The following PLXNA2 variants were observed in gnomAD, a reference collection of about 807,000 sequenced individuals.
The protein encoded by PLXNA2 is plexin A2.
Under a neutral mutation model 193.5 loss-of-function variants are expected in PLXNA2, and 91 were observed. The observed-to-expected ratio is 0.47, with a 90% CI of 0.40 to 0.56. The LOEUF (loss-of-function observed/expected upper bound fraction) is 0.56. Among genes scored for constraint, PLXNA2 ranks in the 20% least tolerant of loss-of-function variants. The pLI is 0.00. For synonymous variants in PLXNA2, 997 were observed against 1,027.3 expected (o/e 0.97, Z 0.56); for missense variants, 1,995 against 2,503.2 (o/e 0.80, Z 4.33).
chr1:208,229,989 T>A (rs1671636739), intron 1 of PLXNA2, among the ~76,000 whole-genome samples: 1 of 152,180 alleles, frequency 6.6e-6, no homozygotes, highest in Admixed American at 6.5e-5. Context: ...TCTGGTGACC[T>A]TGAACATGTT....
intron 12 of PLXNA2, among the ~76,000 whole-genome samples, chr1:208,072,114 T>C (rs925901840): frequency 3.3e-5 from 5 of 152,212 alleles, no homozygotes; most frequent in African/African-American, 1.2e-4. Flanking sequence ...TGGAGGCCAG[T>C]GTACATGGTT....
intron 3 of PLXNA2, among the ~76,000 whole-genome samples, chr1:208,190,722 C>T (rs549789605): frequency 3.9e-5 from 6 of 152,332 alleles, no homozygotes; most frequent in Non-Finnish European, 7.4e-5. Flanking sequence ...AAAATCACCT[C>T]CAGTTGGAAA....
Position 208,193,292 on chromosome 1 carries a change from C to T in PLXNA2, c.1371+16988G>A, listed in dbSNP as rs1670246327. Among the ~76,000 whole-genome samples, 6 of 152,218 alleles carry T rather than the reference C, an allele frequency of 3.9e-5. No homozygotes were observed. The South Asian group carries it at 1.2e-3, about 32-fold the overall frequency. ...AGGGCATTGGTGTTAACATTACTCC[C>T]TCATAGCCCTAGGGCCCCTTGGTGC... is the stretch of plus-strand genomic sequence containing the variant. On this transcript the variant is annotated intron_variant, in intron 3 of 31. Transcript: ENST00000367033.
intron 3 of PLXNA2, among the ~76,000 whole-genome samples, chr1:208,189,793 C>T (rs1670120320): frequency 6.6e-6 from 1 of 152,194 alleles, no homozygotes; most frequent in South Asian, 2.1e-4. Flanking sequence ...TCCCACTACA[C>T]ACACAGCTCC....
rs1476671594 is a variant in PLXNA2, at chr1:208,217,755, G to A, written c.168C>T (p.His56=). The change falls in exon 2 of 32, where the codon CAC becomes CAT. Residue 56 remains histidine, a synonymous_variant. Coordinates refer to ENST00000367033, the MANE Select transcript of PLXNA2 (RefSeq NM_025179.4). This position sits in a 1 kb window ranked among gnomAD's most constrained non-coding sequence, Gnocchi z 4.7. ...RDWTFNHLTV[H]QGTGAVYVGA... ...CCACATAGACGGCCCCCGTCCCTTG[G>A]TGGACGGTCAAGTGGTTGAAGGTCC... 1 of 1,614,214 alleles carries A rather than the reference G, an allele frequency of 6.2e-7. No homozygotes were observed. Among genetic ancestry groups the A allele is most frequent in the East Asian group, 2.2e-5 (1 of 44,882 alleles).
chr1:208,096,389 G>A (rs1666888172), intron 7 of PLXNA2, among the ~76,000 whole-genome samples: 1 of 152,136 alleles, frequency 6.6e-6, no homozygotes, highest in African/African-American at 2.4e-5. Flanking sequence ...TGTCAGTCAT[G>A]TTCCATTACT....
intron 4 of PLXNA2, among the ~76,000 whole-genome samples, chr1:208,124,033 C>T (rs1414658827): frequency 6.6e-6 from 1 of 152,126 alleles, no homozygotes; most frequent in Non-Finnish European, 1.5e-5. Context: ...CAACATTGCC[C>T]CGTGGCCACT....
intron 3 of PLXNA2, among the ~76,000 whole-genome samples, chr1:208,180,837 G>C (rs1319016070): frequency 1.3e-5 from 2 of 152,194 alleles, no homozygotes; most frequent in Non-Finnish European, 2.9e-5. Context: ...TCCCAGGAGG[G>C]GTAAAAAGGA....
At chr1:208,219,574 C>A (rs1671255401) in intron 1 of PLXNA2, among the ~76,000 whole-genome samples, 1 of 152,214 alleles carries the variant, frequency 6.6e-6, no homozygotes, top group African/African-American at 2.4e-5. Flanking sequence ...GGCCTTTCTC[C>A]CTCAACTCCC....
chr1:208,081,045 G>C (rs1312345686), intron 11 of PLXNA2, among the ~76,000 whole-genome samples: 1 of 152,202 alleles, frequency 6.6e-6, no homozygotes, highest in Non-Finnish European at 1.5e-5. Context: ...TGCACTCTCA[G>C]AGCTTCTTCA....
At chr1:208,168,671 G>A (rs1253093137) in intron 3 of PLXNA2, among the ~76,000 whole-genome samples, 1 of 145,114 alleles carries the variant, frequency 6.9e-6, no homozygotes, top group Non-Finnish European at 1.5e-5. Context: ...TCAGAGACTA[G>A]GGAGTCTCTA....
chr1:208,218,000 A>G lies in PLXNA2; in HGVS notation c.-78T>C. 1 of 1,560,452 alleles carries G rather than the reference A, an allele frequency of 6.4e-7. No individual in the cohort carries two copies. Among genetic ancestry groups the G allele is most frequent in the Non-Finnish European group, 8.6e-7 (1 of 1,159,896 alleles). On this transcript the variant is annotated splice_region_variant and 5_prime_UTR_variant, in exon 2 of 32. Coordinates refer to ENST00000367033, the MANE Select transcript of PLXNA2 (RefSeq NM_025179.4). The surrounding 1 kb of genome is among the most constrained non-coding windows in gnomAD (Gnocchi z 4.7). ...ACCTTCCCCGGTTGGCCCTCACATGATTCTGCAAAACACAAGGCAGAGTGG... is the reference window on the plus strand; with the variant it reads ...ACCTTCCCCGGTTGGCCCTCACATGGTTCTGCAAAACACAAGGCAGAGTGG...
At chr1:208,176,395 T>C (rs188952634) in intron 3 of PLXNA2, among the ~76,000 whole-genome samples, 41 of 152,326 alleles carry the variant, frequency 2.7e-4, no homozygotes, top group Admixed American at 2.5e-3. Flanking sequence ...AGCATGGGTT[T>C]CCAGGCTACA....
At chr1:208,111,146 G>T (rs986478034) in intron 4 of PLXNA2, among the ~76,000 whole-genome samples, 1 of 152,106 alleles carries the variant, frequency 6.6e-6, no homozygotes, top group Non-Finnish European at 1.5e-5. Flanking sequence ...TACCTCCCGG[G>T]CTCAACGGAT....
rs777190675 is a variant in PLXNA2 at position 208,217,221 on chromosome 1, G to T, written c.702C>A (p.Ala234=). 3.1e-6 allele frequency: 5 copies of T among 1,614,180 alleles called. No homozygotes were observed. Among genetic ancestry groups the T allele is most frequent in the Non-Finnish European group, 1.7e-6 (2 of 1,180,030 alleles). Residue 234 remains alanine (A), a synonymous_variant, in exon 2 of 32, where the codon GCC becomes GCA. Coordinates refer to ENST00000367033, the MANE Select transcript of PLXNA2 (RefSeq NM_025179.4). The surrounding 1 kb of genome is among the most constrained non-coding windows in gnomAD (Gnocchi z 4.7). ...AGAAGATGTCAAAGTGGGAGACCAG[G>T]GCCAGGGTGTCTGAAGGGATCTTGA... ...SLIKIPSDTL[A]LVSHFDIFYI... is the part of the protein sequence containing the mutation.
At chr1:208,239,954 T>C (rs1572067453) in intron 1 of PLXNA2, among the ~76,000 whole-genome samples, 1 of 151,366 alleles carries the variant, frequency 6.6e-6, no homozygotes, top group African/African-American at 2.4e-5. Flanking sequence ...TGAAGGGGGG[T>C]ATGGGGGAAC....
intron 3 of PLXNA2, among the ~76,000 whole-genome samples, chr1:208,175,069 T>C (rs1181844125): frequency 1.3e-5 from 2 of 152,164 alleles, no homozygotes; most frequent in African/African-American, 2.4e-5. Flanking sequence ...TGGGAGCTCC[T>C]GTACCCCTTA....
At chr1:208,196,879 C>T (rs1052679199) in intron 3 of PLXNA2, among the ~76,000 whole-genome samples, 1 of 152,146 alleles carries the variant, frequency 6.6e-6, no homozygotes, top group Non-Finnish European at 1.5e-5. Context: ...AGAAAGCTAT[C>T]TCTTTTGTCC....
Position 208,051,436 on chromosome 1 carries a change from C to A in PLXNA2, c.2994-13G>T, listed in dbSNP as rs570081309. The A allele has an allele frequency of 1.1e-5, 17 of 1,603,736 alleles. No individual in the cohort carries two copies. In the African/African-American group the frequency reaches 1.7e-4, roughly 16 times the overall value. On this transcript the variant is annotated splice_polypyrimidine_tract_variant and intron_variant, in intron 15 of 31. Coordinates refer to ENST00000367033, the MANE Select transcript of PLXNA2 (RefSeq NM_025179.4). Reference sequence around the variant, plus strand: ...ACTCATTGACCTCCTGACAGGGAGACAGCAGGAGGGTTGAGAAGAAAGGCA... The same window carrying A: ...ACTCATTGACCTCCTGACAGGGAGAAAGCAGGAGGGTTGAGAAGAAAGGCA...
Sources: gnomAD v4.1 joint callset for allele counts (sites outside exome capture counted in the v4.1 genomes callset) on GRCh38, gnomAD v4.1.1 for gene constraint, Gnocchi (gnomAD v3.1) non-coding constraint, MANE v1.5 for transcripts, NCBI Gene and HGNC (gene_info 2026-07-23, HGNC 2026-07-21) for gene names.